The following SPAG9 variants were observed in gnomAD, a reference collection of about 807,000 sequenced individuals.
The protein encoded by SPAG9 is C-Jun-amino-terminal kinase-interacting protein 4.
SPAG9 carries 35 observed loss-of-function variants against 166.5 expected under a neutral mutation model. The ratio of observed to expected loss-of-function variants is 0.21; its 90% confidence interval spans 0.16 to 0.28. The LOEUF is 0.28. SPAG9 is among the 10% of genes least tolerant of loss of function. The pLI is 1.00. For synonymous variants in SPAG9, 534 were observed against 565.5 expected (o/e 0.94, Z 0.79); for missense variants, 1,235 against 1,603.3 (o/e 0.77, Z 3.92).
intron 9 of SPAG9, among the ~76,000 whole-genome samples, chr17:51,008,639 G>T (rs2045326201): frequency 6.6e-6 from 1 of 151,958 alleles, no homozygotes; most frequent in African/African-American, 2.4e-5. Flanking sequence ...TGTGTACCTG[G>T]ACTCATATTT....
intron 19 of SPAG9, among the ~76,000 whole-genome samples, chr17:50,992,385 T>C (rs1975655122): frequency 6.6e-6 from 1 of 152,206 alleles, no homozygotes; most frequent in South Asian, 2.1e-4. Flanking sequence ...TAATGTATTG[T>C]ACTCTTAAAA....
At chr17:51,037,658 A>C in intron 5 of SPAG9, among the ~76,000 whole-genome samples, 1 of 86,280 alleles carries the variant, frequency 1.2e-5, no homozygotes, top group African/African-American at 4.4e-5. Context: ...AAGTAAATAT[A>C]TGTGTTTTAT....
chr17:51,061,352 C>T (rs1364513882), intron 2 of SPAG9, among the ~76,000 whole-genome samples: 1 of 152,096 alleles, frequency 6.6e-6, no homozygotes, highest in Non-Finnish European at 1.5e-5. Context: ...GTGGCTCAAA[C>T]TTGTAATCCC....
Position 51,093,532 on chromosome 17 carries a change from C to T in SPAG9, c.304-13828G>A, listed in dbSNP as rs535995407. Among the ~76,000 whole-genome samples the T allele has an allele frequency of 3.1e-4, 47 of 151,664 alleles. No homozygotes were observed. In the South Asian group the frequency reaches 9.4e-3, roughly 30 times the overall value. On this transcript the variant is annotated intron_variant, in intron 1 of 29. Transcript: ENST00000262013. ...CCTGGCTAACATGGTGAAACCCCGT[C>T]TCTACTAAAAAAATCAGCCAGGCGT... is the stretch of plus-strand genomic sequence containing the variant.
chr17:51,025,306 G>C, intron 6 of SPAG9, among the ~76,000 whole-genome samples: 1 of 101,380 alleles, frequency 9.9e-6, no homozygotes, highest in South Asian at 3.8e-4. Context: ...GACAGGGTGA[G>C]ACTCTGTCTC....
At chr17:51,102,301 G>A (rs529648600) in intron 1 of SPAG9, among the ~76,000 whole-genome samples, 7 of 151,872 alleles carry the variant, frequency 4.6e-5, no homozygotes, top group South Asian at 2.1e-4. Flanking sequence ...CTACTTGGAA[G>A]GCTGAGGCAC....
intron 6 of SPAG9, among the ~76,000 whole-genome samples, chr17:51,024,241 T>C (rs890610599): frequency 6.6e-6 from 1 of 151,454 alleles, no homozygotes; most frequent in Non-Finnish European, 1.5e-5. Flanking sequence ...GCCTGGGGGA[T>C]AGAGCGAGAC....
Position 51,005,222 on chromosome 17 carries a change from T to C in SPAG9, c.1466A>G (p.Asp489Gly), listed in dbSNP as rs376731757. The change falls in exon 12 of 30, where the codon GAT becomes GGT. Residue 489 changes from aspartate to glycine, a missense_variant. By Grantham distance (94) the Asp-to-Gly change is moderately conservative. Coordinates refer to ENST00000262013, the MANE Select transcript of SPAG9 (RefSeq NM_001130528.3). ...AAATTGTAAACCTACATCATCGTCA[T>C]CTTTTGCTTTTTGCCTTGCATCTTC... ...EAEDARQKAK[D>G]DDDSDIPTAQ... The C allele has an allele frequency of 1.4e-5, 23 of 1,613,946 alleles. No homozygotes were observed. Among genetic ancestry groups the C allele is most frequent in the Non-Finnish European group, 1.8e-5 (21 of 1,179,974 alleles).
intron 14 of SPAG9, among the ~76,000 whole-genome samples, chr17:50,998,910 GAATA>G (rs766616833): frequency 9.2e-5 from 14 of 152,254 alleles, no homozygotes; most frequent in South Asian, 6.2e-4. Flanking sequence ...TTCTCCTACT[GAATA>G]AATATATTTT....
chr17:51,089,669 T>C lies in SPAG9; in HGVS notation c.304-9965A>G, dbSNP rs75105025. Among the ~76,000 whole-genome samples the C allele has an allele frequency of 9.3e-3, 957 of 102,816 alleles. 25 individuals carry two copies. The highest frequency in any genetic ancestry group is 0.032 in the African/African-American group (889 of 27,864). The allele number at this position is 102,816 out of a possible 152,430, so 67.5% of individuals were successfully genotyped here. On this transcript the variant is annotated intron_variant, in intron 1 of 29. Coordinates refer to ENST00000262013, the MANE Select transcript of SPAG9 (RefSeq NM_001130528.3). ...ATATATATATATATATATATACACA[T>C]ACACACACACACTTTCTTTTTTTTG... is the stretch of plus-strand genomic sequence containing the variant.
At chr17:50,971,597 G>A (rs925363631) in intron 28 of SPAG9, among the ~76,000 whole-genome samples, 2 of 149,734 alleles carry the variant, frequency 1.3e-5, no homozygotes, top group Non-Finnish European at 3.0e-5. Flanking sequence ...CCTCCTGAGT[G>A]GCTGGGACTA....
At chr17:51,010,911 A>G (rs1414670575) in intron 9 of SPAG9, among the ~76,000 whole-genome samples, 1 of 152,152 alleles carries the variant, frequency 6.6e-6, no homozygotes, top group African/African-American at 2.4e-5. Flanking sequence ...CATGAAAACC[A>G]AGAAACAATG....
At chr17:51,117,144 C>G (rs1370287857) in intron 1 of SPAG9, among the ~76,000 whole-genome samples, 1 of 152,078 alleles carries the variant, frequency 6.6e-6, no homozygotes, top group African/African-American at 2.4e-5. Context: ...CAAATAAAAG[C>G]AAAGGAAAAA....
intron 2 of SPAG9, among the ~76,000 whole-genome samples, chr17:51,056,743 T>C (rs536676339): frequency 2.0e-5 from 3 of 152,272 alleles, no homozygotes; most frequent in South Asian, 2.1e-4. Flanking sequence ...TTTTTTAACA[T>C]GATACAGAAT....
chr17:51,021,004 A>T (rs2045917721), intron 7 of SPAG9, among the ~76,000 whole-genome samples, 154 bp downstream of exon 7: 2 of 152,140 alleles, frequency 1.3e-5, no homozygotes, highest in South Asian at 2.1e-4. Context: ...TTTTCAATCT[A>T]CAGATGCAGA....
intron 3 of SPAG9, among the ~76,000 whole-genome samples, chr17:51,048,040 T>C (rs1000848094): frequency 6.6e-6 from 1 of 152,126 alleles, no homozygotes; most frequent in Non-Finnish European, 1.5e-5. Flanking sequence ...AAATACTTTC[T>C]CCTTTGACTG....
At chr17:51,058,872 C>T (rs989359577) in intron 2 of SPAG9, among the ~76,000 whole-genome samples, 3 of 152,168 alleles carry the variant, frequency 2.0e-5, no homozygotes, top group Non-Finnish European at 4.4e-5. Context: ...AACTGTTTGG[C>T]AAGATTTAGT....
chr17:51,117,288 T>C (rs958256922), intron 1 of SPAG9, among the ~76,000 whole-genome samples: 2 of 152,206 alleles, frequency 1.3e-5, no homozygotes, highest in African/African-American at 4.8e-5. Flanking sequence ...CCCACCTAAG[T>C]TTCCACAGAG....
intron 13 of SPAG9, 107 bp downstream of exon 13, chr17:51,001,606 CAG>C: frequency 9.3e-7 from 1 of 1,071,544 alleles, no homozygotes; most frequent in Non-Finnish European, 1.3e-6. Context: ...TCCTAGTAAA[CAG>C]AGAAAGGGGC....
Sources: gnomAD v4.1 joint callset for allele counts (sites outside exome capture counted in the v4.1 genomes callset) on GRCh38, gnomAD v4.1.1 for gene constraint, MANE v1.5 for transcripts, NCBI Gene and HGNC (gene_info 2026-07-23, HGNC 2026-07-21) for gene names.